Variants in ADGRB1 observed in about 807,000 individuals in gnomAD.
ADGRB1 encodes adhesion G protein-coupled receptor B1, also known as brain-specific angiogenesis inhibitor 1.
A neutral mutation model predicts 175.7 loss-of-function variants in ADGRB1; 36 were observed. That is an observed-to-expected ratio of 0.20 (90% CI 0.16 to 0.27). The LOEUF (loss-of-function observed/expected upper bound fraction) is 0.27. Ranked by LOEUF, ADGRB1 falls within the 10% of genes least tolerant of loss-of-function variation. The probability of loss-of-function intolerance (pLI) is 1.00; values close to 1 mark genes in which losing one functional copy is unlikely to be tolerated. For missense variants in ADGRB1, 1,731 were observed against 2,255.3 expected, an observed-to-expected ratio of 0.77 and a Z score of 4.71; for synonymous variants, 1,054 against 979.4, an observed-to-expected ratio of 1.08 and a Z score of -1.42.
rs1349898065 is a variant in ADGRB1 at position 142,544,258 on chromosome 8, G to A, written c.4596G>A (p.Glu1532=). ...KQQTPNKRPW[E]SLRKAHGTPT... ...AGACGCCCAACAAGAGGCCCTGGGA[G>A]AGCCTCCGGAAAGCCCACGGGACGC... Residue 1532 remains glutamate (E), a synonymous_variant, in exon 31 of 31, where the codon GAG becomes GAA. Coordinates refer to ENST00000517894, the MANE Select transcript of ADGRB1 (RefSeq NM_001702.3). The A allele has an allele frequency of 6.5e-7, 1 of 1,549,134 alleles. No individual in the cohort carries two copies. The highest frequency in any genetic ancestry group is 1.4e-5 in the African/African-American group (1 of 72,990).
In ADGRB1 at chr8:142,464,285, G is replaced by C; in HGVS notation, c.87G>C (p.Arg29=). ...LLLLLLGRRA[R]AAAGADAGPG... is the part of the protein sequence containing the mutation. ...TGCTGCTGCTGGGACGCCGCGCGCGGGCGGCCGCCGGAGCAGACGCGGGGC... is the reference window on the plus strand; with the variant it reads ...TGCTGCTGCTGGGACGCCGCGCGCGCGCGGCCGCCGGAGCAGACGCGGGGC... Residue 29 remains arginine, a synonymous_variant, in exon 2 of 31, where the codon CGG becomes CGC. Coordinates refer to ENST00000517894, the MANE Select transcript of ADGRB1 (RefSeq NM_001702.3). 7.3e-7 allele frequency: 1 copy of C among 1,364,800 alleles called. No homozygotes were observed. The highest frequency in any genetic ancestry group is 1.8e-5 in the South Asian group (1 of 56,498). The allele number at this position is 1,364,800 out of a possible 1,614,324, so 84.5% of individuals were successfully genotyped here.
In ADGRB1 at chr8:142,475,630, G is replaced by A; in HGVS notation, c.941G>A (p.Cys314Tyr). The change falls in exon 3 of 31, where the codon TGC becomes TAC. Residue 314 changes from cysteine to tyrosine, a missense_variant. By Grantham distance (194) the Cys-to-Tyr change is radical (BLOSUM62 -2). Around this residue, in one of 8 missense-constraint regions of ADGRB1, gnomAD observed 178 missense variants for 227.8 expected, o/e 0.78. Coordinates refer to ENST00000517894, the MANE Select transcript of ADGRB1 (RefSeq NM_001702.3). ...EEGRQCNREA[C>Y]GPAGRTSSRS... is the part of the protein sequence containing the mutation. ...GGTCGCCAGTGCAACCGCGAGGCCT[G>A]CGGCCGTGAGTGCGGGCGGGGCGGG... 3 of 1,230,516 alleles carry A rather than the reference G, an allele frequency of 2.4e-6. No homozygotes were observed. The highest frequency in any genetic ancestry group is 3.0e-6 in the Non-Finnish European group (3 of 986,878). The allele number at this position is 1,230,516 out of a possible 1,614,324, so 76.2% of individuals were successfully genotyped here. A position where few individuals can be genotyped will look rare whatever the true frequency, so the allele number is the denominator to read the frequency against.
chr8:142,544,738 A>T lies in ADGRB1; in HGVS notation c.*321A>T, dbSNP rs964824509. ...ACAGGCCCAGCGCGGCCAGCGTCCC[A>T]GGGTACCCGCCTGAGCTCCTGCTGC... On this transcript the variant is annotated 3_prime_UTR_variant, in exon 31 of 31. Coordinates refer to ENST00000517894, the MANE Select transcript of ADGRB1 (RefSeq NM_001702.3). The T allele has an allele frequency of 4.6e-6, 1 of 216,862 alleles. No homozygotes were observed. The highest frequency in any genetic ancestry group is 9.0e-6 in the Non-Finnish European group (1 of 110,730). The allele number at this position is 216,862 out of a possible 1,614,324, so 13.4% of individuals were successfully genotyped here.
intron 22 of ADGRB1, 61 bp from the exon 23 acceptor site, chr8:142,524,177 C>T (rs1378696565): frequency 2.6e-6 from 4 of 1,537,838 alleles, no homozygotes; most frequent in Non-Finnish European, 3.5e-6. Context: ...GAGAGGCCGG[C>T]AGCACCTCTC....
intron 17 of ADGRB1, among the ~76,000 whole-genome samples, chr8:142,501,501 G>A (rs1260612155): frequency 3.6e-5 from 5 of 137,228 alleles, no homozygotes; most frequent in Non-Finnish European, 3.1e-5. Context: ...TGGTAGTGAT[G>A]TTTGTGTGGT....
chr8:142,481,190 G>A, intron 9 of ADGRB1, 64 bp from the exon 10 acceptor site: 3 of 1,488,818 alleles, frequency 2.0e-6, no homozygotes, highest in Non-Finnish European at 2.8e-6. Flanking sequence ...GCTGCCAGGG[G>A]CCAAGGGTGG....
At chr8:142,507,417 G>C (rs1842898883) in intron 17 of ADGRB1, among the ~76,000 whole-genome samples, 1 of 152,204 alleles carries the variant, frequency 6.6e-6, no homozygotes, top group Non-Finnish European at 1.5e-5. Context: ...CCTGCTTCCA[G>C]AGCTGCCAGC....
intron 1 of ADGRB1, among the ~76,000 whole-genome samples, chr8:142,459,402 GTA>G (rs1324105465): frequency 6.6e-6 from 1 of 152,150 alleles, no homozygotes; most frequent in Admixed American, 6.5e-5. Flanking sequence ...GAGGCCAGAG[GTA>G]CAGCTGTGCA....
intron 18 of ADGRB1, among the ~76,000 whole-genome samples, chr8:142,514,088 G>A (rs770968740): frequency 2.0e-5 from 3 of 152,076 alleles, no homozygotes; most frequent in Non-Finnish European, 4.4e-5. Flanking sequence ...AGAGAGGGGT[G>A]CTGCCTAGCT....
At chr8:142,451,990 T>C (rs1839379161) in intron 1 of ADGRB1, among the ~76,000 whole-genome samples, 1 of 152,060 alleles carries the variant, frequency 6.6e-6, no homozygotes, top group South Asian at 2.1e-4. Flanking sequence ...CGGGGGTTCC[T>C]GGGCGCGCCC....
At position 142,478,288 on chromosome 8, in the gene ADGRB1, C is replaced by T; in HGVS notation, c.1489C>T (p.Pro497Ser). The change falls in exon 7 of 31, where the codon CCT (proline) becomes TCT (serine). Residue 497 changes from proline to serine, a missense_variant. Physicochemically the swap from Pro to Ser is moderately conservative, Grantham distance 74. Around this residue, in one of 8 missense-constraint regions of ADGRB1, gnomAD observed 388 missense variants for 630.9 expected, o/e 0.61. Coordinates refer to ENST00000517894, the MANE Select transcript of ADGRB1 (RefSeq NM_001702.3). ...GCAGCGCACGCGTGAATGCAACGGG[C>T]CTTCCTACGGGGGTGCGGAGTGCCA... is the stretch of plus-strand genomic sequence containing the variant. ...RQQRTRECNG[P>S]SYGGAECQGH... 6.2e-7 allele frequency: 1 copy of T among 1,610,836 alleles called. No individual in the cohort carries two copies. The highest frequency in any genetic ancestry group is 1.7e-4 in the Middle Eastern group (1 of 6,056).
intron 21 of ADGRB1, among the ~76,000 whole-genome samples, chr8:142,522,438 C>T (rs952785032): frequency 6.6e-6 from 1 of 152,232 alleles, no homozygotes; most frequent in Non-Finnish European, 1.5e-5. Context: ...TATGTGTTCT[C>T]TGCTCATTGG....
At chr8:142,519,356 C>G (rs1843630056) in intron 19 of ADGRB1, among the ~76,000 whole-genome samples, 1 of 152,180 alleles carries the variant, frequency 6.6e-6, no homozygotes, top group South Asian at 2.1e-4. Flanking sequence ...AGAGAGAGAA[C>G]GTGACCTGCC....
chr8:142,542,638 C>T lies in ADGRB1; in HGVS notation c.4404C>T (p.Ser1468=). Residue 1468 remains serine (S), a synonymous_variant, in exon 28 of 31, where the codon AGC becomes AGT. Coordinates refer to ENST00000517894, the MANE Select transcript of ADGRB1 (RefSeq NM_001702.3). This position sits in a 1 kb window ranked among gnomAD's most constrained non-coding sequence, Gnocchi z 6.3. ...AGAATGTCGCCACCTTGTCTGTGAG[C>T]TCCCTGGAGGTGAGGGGGGCAGGGG... is the stretch of plus-strand genomic sequence containing the variant. The part of the protein sequence containing the change: ...KNENVATLSV[S]SLERRKSRYA... 6.5e-7 allele frequency: 1 copy of T among 1,550,012 alleles called. No individual in the cohort carries two copies. The highest frequency in any genetic ancestry group is 8.7e-7 in the Non-Finnish European group (1 of 1,148,010).
intron 14 of ADGRB1, among the ~76,000 whole-genome samples, chr8:142,488,763 A>G (rs985537231): frequency 7.2e-5 from 11 of 151,972 alleles, no homozygotes; most frequent in Non-Finnish European, 1.6e-4. Context: ...GGACCCTGTT[A>G]CCTGGAAGAG....
chr8:142,528,676 C>T (rs1331992439), intron 24 of ADGRB1, among the ~76,000 whole-genome samples: 2 of 152,124 alleles, frequency 1.3e-5, no homozygotes, highest in Admixed American at 1.3e-4. Flanking sequence ...CCCTCCTAGG[C>T]CCACCCTTGG....
intron 2 of ADGRB1, among the ~76,000 whole-genome samples, chr8:142,466,549 C>A (rs1272034388): frequency 6.6e-6 from 1 of 152,180 alleles, no homozygotes; most frequent in Non-Finnish European, 1.5e-5. Context: ...AGTGGTCATG[C>A]TGTGTCAGGA....
intron 22 of ADGRB1, among the ~76,000 whole-genome samples, chr8:142,524,005 C>A (rs1844024754): frequency 6.6e-6 from 1 of 152,126 alleles, no homozygotes; most frequent in Non-Finnish European, 1.5e-5. Context: ...GTGGGTCCCC[C>A]CCTCTGGTAC....
In ADGRB1 at chr8:142,455,578, A is replaced by G. The variant is rs563101188; in HGVS notation, c.-220+5474A>G. ...CTGAGGTCAGGAGGACCCAGGGATT[A>G]CTGGGAGCTCAGAGACTGGGGTGGA... On this transcript the variant is annotated intron_variant, in intron 1 of 30. Coordinates refer to ENST00000517894, the MANE Select transcript of ADGRB1 (RefSeq NM_001702.3). This position sits in a 1 kb window ranked among gnomAD's most constrained non-coding sequence, Gnocchi z 4.9. Among the ~76,000 whole-genome samples, 1 of 152,260 alleles carries G rather than the reference A, an allele frequency of 6.6e-6. No homozygotes were observed. The highest frequency in any genetic ancestry group is 1.9e-4 in the East Asian group (1 of 5,154).
Sources: allele counts gnomAD v4.1 joint callset (sites outside exome capture counted in the v4.1 genomes callset), GRCh38; gene constraint gnomAD v4.1.1; regional missense constraint gnomAD v4.1.1; non-coding constraint Gnocchi (gnomAD v3.1); transcripts MANE v1.5; gene names NCBI Gene and HGNC (gene_info 2026-07-23, HGNC 2026-07-21).